SLC9A2: variants seen among roughly 807,000 people sequenced by gnomAD.
The protein encoded by SLC9A2 is solute carrier family 9 member A2.
A neutral mutation model predicts 71.7 loss-of-function variants in SLC9A2; 42 were observed. That is an observed-to-expected ratio of 0.59 (90% CI 0.46 to 0.76). The LOEUF is 0.76. Among genes scored for constraint, SLC9A2 ranks in the 30% least tolerant of loss-of-function variants. SLC9A2 has a pLI of 0.00. For missense variants in SLC9A2, 829 were observed against 1,017.4 expected, an observed-to-expected ratio of 0.81 and a Z score of 2.52; for synonymous variants, 396 against 392.5, an observed-to-expected ratio of 1.01 and a Z score of -0.10.
intron 2 of SLC9A2, among the ~76,000 whole-genome samples, chr2:102,663,941 C>T (rs781586732): frequency 5.9e-5 from 9 of 152,072 alleles, no homozygotes; most frequent in African/African-American, 1.9e-4. Flanking sequence ...ATGAAGTGCC[C>T]GACATTCTTG....
Position 102,709,862 on chromosome 2 carries a change from A to T in SLC9A2, c.*1373A>T, listed in dbSNP as rs1346714623. ...AACATGCCTCTGCATTTCTGAGTGT[A>T]GAAATTAAATGAAGCCACTCACAGT... On this transcript the variant is annotated 3_prime_UTR_variant, in exon 12 of 12. Transcript: ENST00000233969. 6.6e-6 allele frequency: 1 copy of T among 152,286 alleles called. No homozygotes were observed. Among genetic ancestry groups the T allele is most frequent in the African/African-American group, 2.4e-5 (1 of 41,398 alleles). 9.4% of individuals were successfully genotyped at this position (152,286 alleles called of 1,614,324 possible). A position where few individuals can be genotyped will look rare whatever the true frequency, so the allele number is the denominator to read the frequency against.
chr2:102,711,278 T>C lies in SLC9A2; in HGVS notation c.*2789T>C, dbSNP rs1678106392. 6.6e-6 allele frequency: 1 copy of C among 152,358 alleles called. No homozygotes were observed. The highest frequency in any genetic ancestry group is 2.4e-5 in the African/African-American group (1 of 41,446). 9.4% of individuals were successfully genotyped at this position (152,358 alleles called of 1,614,324 possible). On this transcript the variant is annotated 3_prime_UTR_variant, in exon 12 of 12. Transcript: ENST00000233969. ...TGTCAAAGTGCACACTGTACTTTCT[T>C]CTTAAAAACGTGATTAAAGAGATCA...
rs146416581 is a variant in SLC9A2, at chr2:102,628,512, G to C, written c.289+8375G>C. Among the ~76,000 whole-genome samples, 252 of 152,204 alleles carry C rather than the reference G, an allele frequency of 1.7e-3. 1 individual carries two copies. Among genetic ancestry groups the C allele is most frequent in the Non-Finnish European group, 2.6e-3 (179 of 67,992 alleles). The stretch of plus-strand genomic sequence containing the variant: ...TGATCCAAATGGGTAAATTTTGGAA[G>C]AACGGCAATATATGTATTTAAGGCT... On this transcript the variant is annotated intron_variant, in intron 1 of 11. Transcript: ENST00000233969.
chr2:102,619,943 T>A lies in SLC9A2; in HGVS notation c.95T>A (p.Leu32Gln), dbSNP rs967386321. ...CAGGTGGCGGGGCCCGTGGGCGCCC[T>A]GGCGGAGACCTTGCTGAACGCGCCG... is the stretch of plus-strand genomic sequence containing the variant. ...LLQVAGPVGA[L>Q]AETLLNAPRA... Residue 32 changes from leucine to glutamine, a missense_variant, in exon 1 of 12, where the codon CTG (leucine) becomes CAG (glutamine). Physicochemically the swap from Leu to Gln is moderately radical, Grantham distance 113. Coordinates refer to ENST00000233969, the MANE Select transcript of SLC9A2 (RefSeq NM_003048.6). The surrounding 1 kb of genome is among the most constrained non-coding windows in gnomAD (Gnocchi z 4.3). The A allele has an allele frequency of 6.2e-7, 1 of 1,609,796 alleles. No individual in the cohort carries two copies. The highest frequency in any genetic ancestry group is 8.5e-7 in the Non-Finnish European group (1 of 1,177,908).
chr2:102,627,905 G>T (rs896816663), intron 1 of SLC9A2, among the ~76,000 whole-genome samples: 1 of 152,026 alleles, frequency 6.6e-6, no homozygotes, highest in African/African-American at 2.4e-5. Flanking sequence ...TAGTTTCTCT[G>T]CTGGTATTTT....
intron 1 of SLC9A2, among the ~76,000 whole-genome samples, chr2:102,637,985 G>T (rs776967510): frequency 6.6e-6 from 1 of 152,204 alleles, no homozygotes; most frequent in Non-Finnish European, 1.5e-5. Flanking sequence ...CCAGCTGATG[G>T]CCACTTTGCA....
intron 1 of SLC9A2, among the ~76,000 whole-genome samples, chr2:102,634,744 T>A (rs1676435260): frequency 6.6e-6 from 1 of 152,194 alleles, no homozygotes; most frequent in South Asian, 2.1e-4. Flanking sequence ...TTGTTTGCAA[T>A]GAAAAAGAAA....
intron 5 of SLC9A2, among the ~76,000 whole-genome samples, chr2:102,687,449 T>C (rs757159210): frequency 7.9e-5 from 12 of 152,208 alleles, no homozygotes; most frequent in Non-Finnish European, 1.5e-4. Flanking sequence ...AATAACTAAT[T>C]ATACATCCAT....
At position 102,619,726 on chromosome 2, in the gene SLC9A2, G is replaced by A. The variant is rs1330533051; in HGVS notation, c.-123G>A. The A allele has an allele frequency of 1.1e-5, 9 of 807,986 alleles. No individual in the cohort carries two copies. In the East Asian group the frequency reaches 1.7e-4, roughly 15 times the overall value. 50.1% of individuals were successfully genotyped at this position (807,986 alleles called of 1,614,324 possible). On this transcript the variant is annotated 5_prime_UTR_variant, in exon 1 of 12. Transcript: ENST00000233969. This position sits in a 1 kb window ranked among gnomAD's most constrained non-coding sequence, Gnocchi z 4.3. ...AGAGACCCGGTGCCGCAGCAGCGGC[G>A]GGTGGCTGTCGCTGCCCTGCCCTGC... is the stretch of plus-strand genomic sequence containing the variant.
At chr2:102,628,763 G>T (rs182171207) in intron 1 of SLC9A2, among the ~76,000 whole-genome samples, 1 of 151,890 alleles carries the variant, frequency 6.6e-6, no homozygotes, top group Non-Finnish European at 1.5e-5. Context: ...TGCCTTGGCC[G>T]CTCTCAAACT....
intron 1 of SLC9A2, among the ~76,000 whole-genome samples, chr2:102,640,160 C>T (rs1676547802): frequency 6.6e-6 from 1 of 152,234 alleles, no homozygotes; most frequent in South Asian, 2.1e-4. Flanking sequence ...AACGAGCCAG[C>T]TCAGAGGGCA....
intron 3 of SLC9A2, among the ~76,000 whole-genome samples, chr2:102,681,624 C>T (rs960973189): frequency 2.0e-5 from 3 of 152,318 alleles, no homozygotes; most frequent in Middle Eastern, 3.4e-3. Flanking sequence ...AAGGCTTTGC[C>T]ATGTGTTTAT....
At chr2:102,693,072 C>T (rs548486397) in intron 5 of SLC9A2, among the ~76,000 whole-genome samples, 4 of 148,788 alleles carry the variant, frequency 2.7e-5, no homozygotes, top group African/African-American at 7.6e-5. Flanking sequence ...TATATATATA[C>T]ACACACACAC....
intron 1 of SLC9A2, among the ~76,000 whole-genome samples, chr2:102,634,303 CTTT>C (rs1275070290): frequency 6.6e-6 from 1 of 152,082 alleles, no homozygotes; most frequent in Non-Finnish European, 1.5e-5. Context: ...ATTGGATATA[CTTT>C]TAGTGGTAAC....
chr2:102,671,820 CAG>C (rs1271260642), intron 3 of SLC9A2, among the ~76,000 whole-genome samples: 2 of 152,104 alleles, frequency 1.3e-5, no homozygotes, highest in African/African-American at 4.8e-5. Flanking sequence ...AAATACACAG[CAG>C]AGGCTGAGTG....
intron 3 of SLC9A2, among the ~76,000 whole-genome samples, chr2:102,671,647 A>G (rs1415649582): frequency 1.3e-5 from 2 of 152,266 alleles, no homozygotes; most frequent in Non-Finnish European, 2.9e-5. Context: ...CGTTTAATTT[A>G]GTAGATTCAA....
chr2:102,661,860 T>A (rs908466268), intron 2 of SLC9A2, among the ~76,000 whole-genome samples: 4 of 152,236 alleles, frequency 2.6e-5, no homozygotes, highest in African/African-American at 9.6e-5. Context: ...TATATACACA[T>A]AACACATATA....
At chr2:102,663,105 C>G (rs192521465) in intron 2 of SLC9A2, among the ~76,000 whole-genome samples, 4 of 152,150 alleles carry the variant, frequency 2.6e-5, no homozygotes, top group African/African-American at 9.7e-5. Context: ...GTGTTGATGC[C>G]GATGAAAACC....
chr2:102,685,910 A>G (rs1031922877), intron 5 of SLC9A2, among the ~76,000 whole-genome samples: 4 of 152,162 alleles, frequency 2.6e-5, no homozygotes, highest in Non-Finnish European at 5.9e-5. Context: ...TTGTGAAGGG[A>G]GTGAAAATAT....
Sources: allele counts gnomAD v4.1 joint callset (sites outside exome capture counted in the v4.1 genomes callset), GRCh38; gene constraint gnomAD v4.1.1; non-coding constraint Gnocchi (gnomAD v3.1); transcripts MANE v1.5; gene names NCBI Gene and HGNC (gene_info 2026-07-23, HGNC 2026-07-21).